Variants in ARHGEF19 observed in about 807,000 individuals in gnomAD.
ARHGEF19 encodes the protein Rho guanine nucleotide exchange factor 19, also known as Rho guanine nucleotide exchange factor (GEF) 19.
ARHGEF19 carries 92 observed loss-of-function variants against 87.6 expected under a neutral mutation model. The ratio of observed to expected loss-of-function variants is 1.05; its 90% CI spans 0.89 to 1.25. The LOEUF is 1.25. ARHGEF19 is among the 50% of genes most tolerant of loss of function. The pLI is 0.00. For synonymous variants in ARHGEF19, 438 were observed against 446.2 expected (o/e 0.98, Z 0.23); for missense variants, 1,054 against 1,051.8 (o/e 1.00, Z -0.03).
chr1:16,205,995 G>A lies in ARHGEF19; in HGVS notation c.1387C>T (p.Arg463Cys), dbSNP rs1358935854. ...DVVLDHCPAF[R>C]RVYLPYVTNQ... is the part of the protein sequence containing the mutation. ...GTGACATAGGGCAGGTAGACTCTGCGGAAGGCCGGGCAGTGGTCCAGCACC... is the reference window on the plus strand; with the variant it reads ...GTGACATAGGGCAGGTAGACTCTGCAGAAGGCCGGGCAGTGGTCCAGCACC... Residue 463 changes from arginine (R) to cysteine (C), a missense_variant, in exon 8 of 16, where the codon CGC (arginine) becomes TGC (cysteine). Transcript: ENST00000270747. This position sits in a 1 kb window ranked among gnomAD's most constrained non-coding sequence, Gnocchi z 5.8. 1.6e-5 allele frequency: 26 copies of A among 1,609,682 alleles called. No homozygotes were observed. Among genetic ancestry groups the A allele is most frequent in the Admixed American group, 5.1e-5 (3 of 59,226 alleles).
Position 16,205,491 on chromosome 1 carries a change from G to C in ARHGEF19, c.1581+47C>G. 1 of 1,613,328 alleles carries C rather than the reference G, an allele frequency of 6.2e-7. No homozygotes were observed. Among genetic ancestry groups the C allele is most frequent in the East Asian group, 2.2e-5 (1 of 44,876 alleles). On this transcript the variant is annotated intron_variant, in intron 9 of 15. Coordinates refer to ENST00000270747, the MANE Select transcript of ARHGEF19 (RefSeq NM_153213.5). The surrounding 1 kb of genome is among the most constrained non-coding windows in gnomAD (Gnocchi z 5.8). ...CCCGAGACCCGGCCCGCCCACAGGTGTATCTCCCTCGCCCAGCCCTCACTG... is the reference window on the plus strand; with the variant it reads ...CCCGAGACCCGGCCCGCCCACAGGTCTATCTCCCTCGCCCAGCCCTCACTG...
chr1:16,201,693 C>T (rs1044655479), intron 14 of ARHGEF19, 89 bp downstream of exon 14: 11 of 1,434,206 alleles, frequency 7.7e-6, no homozygotes, highest in Non-Finnish European at 8.5e-6. Flanking sequence ...CCCCATAGCC[C>T]TGCCAGCAAC....
chr1:16,202,945 C>T (rs765394922), intron 12 of ARHGEF19, among the ~76,000 whole-genome samples: 3 of 152,056 alleles, frequency 2.0e-5, no homozygotes, highest in South Asian at 4.1e-4. Flanking sequence ...GGCATGATCT[C>T]GGCTCACCAC....
rs1188872833 is a variant in ARHGEF19 at position 16,198,983 on chromosome 1, A to ATCCTATATC, written c.2251+158_2251+166dup. ...TTCCCACTCTCCCCCATCACTCTCC[A>ATCCTATATC]TCCTATATCTTTACAAGCAGGAAGT... On this transcript the variant is annotated intron_variant, in intron 15 of 15. Coordinates refer to ENST00000270747, the MANE Select transcript of ARHGEF19 (RefSeq NM_153213.5). This position sits in a 1 kb window ranked among gnomAD's most constrained non-coding sequence, Gnocchi z 4.1. 1.3e-5 allele frequency among the ~76,000 whole-genome samples: 2 copies of ATCCTATATC among 151,942 alleles called. No individual in the cohort carries two copies. The highest frequency in any genetic ancestry group is 2.9e-5 in the Non-Finnish European group (2 of 67,984).
Position 16,206,794 on chromosome 1 carries a change from T to C in ARHGEF19, c.1137+154A>G, listed in dbSNP as rs1445516600. Among the ~76,000 whole-genome samples, 1 of 151,904 alleles carries C rather than the reference T, an allele frequency of 6.6e-6. No homozygotes were observed. Among genetic ancestry groups the C allele is most frequent in the Non-Finnish European group, 1.5e-5 (1 of 67,962 alleles). The stretch of plus-strand genomic sequence containing the variant: ...GTCCTCGCTTCCAGACGGCCTCGTG[T>C]AGTCAGGTCCTAGAGCCAACCTTCC... On this transcript the variant is annotated intron_variant, in intron 6 of 15. Transcript: ENST00000270747. This position sits in a 1 kb window ranked among gnomAD's most constrained non-coding sequence, Gnocchi z 4.6.
chr1:16,204,636 C>T, intron 12 of ARHGEF19, 123 bp downstream of exon 12: 1 of 1,209,232 alleles, frequency 8.3e-7, no homozygotes, highest in Non-Finnish European at 1.1e-6. Flanking sequence ...GGTGCCCTGG[C>T]AGCATACCCT....
In ARHGEF19 at chr1:16,207,287, G is replaced by T; in HGVS notation, c.875-77C>A. On this transcript the variant is annotated intron_variant, in intron 5 of 15. Coordinates refer to ENST00000270747, the MANE Select transcript of ARHGEF19 (RefSeq NM_153213.5). This position sits in a 1 kb window ranked among gnomAD's most constrained non-coding sequence, Gnocchi z 4.0. The stretch of plus-strand genomic sequence containing the variant: ...CGGCTTTTCCTCGGTTCCCTCAAGA[G>T]CCCGCGTCACTTAACCTTTGCCGCG... 2.1e-6 allele frequency: 3 copies of T among 1,447,990 alleles called. No individual in the cohort carries two copies. Among genetic ancestry groups the T allele is most frequent in the Non-Finnish European group, 2.7e-6 (3 of 1,104,556 alleles). 89.7% of individuals were successfully genotyped at this position (1,447,990 alleles called of 1,614,324 possible).
In ARHGEF19 at chr1:16,206,161, G is replaced by A. The variant is rs991124296; in HGVS notation, c.1298+19C>T. The A allele has an allele frequency of 3.1e-6, 5 of 1,590,160 alleles. No homozygotes were observed. The highest frequency in any genetic ancestry group is 2.7e-5 in the African/African-American group (2 of 74,576). On this transcript the variant is annotated intron_variant, in intron 7 of 15. Coordinates refer to ENST00000270747, the MANE Select transcript of ARHGEF19 (RefSeq NM_153213.5). This position sits in a 1 kb window ranked among gnomAD's most constrained non-coding sequence, Gnocchi z 4.6. Reference sequence around the variant, plus strand: ...CTGGCTCCGTCCCCACCCCGGGCCAGGCCAGACCACTTCTTCACCTCTCGC... The same window carrying A: ...CTGGCTCCGTCCCCACCCCGGGCCAAGCCAGACCACTTCTTCACCTCTCGC...
At position 16,206,468 on chromosome 1, in the gene ARHGEF19, C is replaced by G; in HGVS notation, c.1138-128G>C. The G allele has an allele frequency of 1.8e-6, 2 of 1,093,972 alleles. No individual in the cohort carries two copies. Among genetic ancestry groups the G allele is most frequent in the Non-Finnish European group, 2.6e-6 (2 of 756,524 alleles). 67.8% of individuals were successfully genotyped at this position (1,093,972 alleles called of 1,614,324 possible). A position where few individuals can be genotyped will look rare whatever the true frequency, so the allele number is the denominator to read the frequency against. On this transcript the variant is annotated intron_variant, in intron 6 of 15. Coordinates refer to ENST00000270747, the MANE Select transcript of ARHGEF19 (RefSeq NM_153213.5). This position sits in a 1 kb window ranked among gnomAD's most constrained non-coding sequence, Gnocchi z 4.6. Reference sequence around the variant, plus strand: ...CCCCTTCTCTAGCCCCACTCCTAATCTGGCGCCGGGCGGGCCCGGCGACCC... The same window carrying G: ...CCCCTTCTCTAGCCCCACTCCTAATGTGGCGCCGGGCGGGCCCGGCGACCC...
chr1:16,199,389 A>C, intron 14 of ARHGEF19, 135 bp from the exon 15 acceptor site: 1 of 710,262 alleles, frequency 1.4e-6, no homozygotes. Context: ...TTCCTCTGCC[A>C]CTGCCATGCC....
Position 16,206,866 on chromosome 1 carries a change from C to T in ARHGEF19, c.1137+82G>A. 1 of 1,374,628 alleles carries T rather than the reference C, an allele frequency of 7.3e-7. No homozygotes were observed. The highest frequency in any genetic ancestry group is 1.5e-5 in the African/African-American group (1 of 65,266). The allele number at this position is 1,374,628 out of a possible 1,614,324, so 85.2% of individuals were successfully genotyped here. The stretch of plus-strand genomic sequence containing the variant: ...ACCCCCTTTGTGTGTCCCCCTCCCT[C>T]TATGGCCCGGTTCCCGCTAAGTCCC... On this transcript the variant is annotated intron_variant, in intron 6 of 15. Transcript: ENST00000270747. This position sits in a 1 kb window ranked among gnomAD's most constrained non-coding sequence, Gnocchi z 4.6.
At position 16,206,463 on chromosome 1, in the gene ARHGEF19, C is replaced by T. The variant is rs541250694; in HGVS notation, c.1138-123G>A. The T allele has an allele frequency of 1.8e-5, 20 of 1,133,824 alleles. 1 individual carries two copies. In the African/African-American group the frequency reaches 2.8e-4, roughly 16 times the overall value. 70.2% of individuals were successfully genotyped at this position (1,133,824 alleles called of 1,614,324 possible). A position where few individuals can be genotyped will look rare whatever the true frequency, so the allele number is the denominator to read the frequency against. ...CCTCGCCCCTTCTCTAGCCCCACTC[C>T]TAATCTGGCGCCGGGCGGGCCCGGC... On this transcript the variant is annotated intron_variant, in intron 6 of 15. Coordinates refer to ENST00000270747, the MANE Select transcript of ARHGEF19 (RefSeq NM_153213.5). This position sits in a 1 kb window ranked among gnomAD's most constrained non-coding sequence, Gnocchi z 4.6.
In ARHGEF19 at chr1:16,207,139, C is replaced by A; in HGVS notation, c.946G>T (p.Gly316Cys). 2 of 1,527,900 alleles carry A rather than the reference C, an allele frequency of 1.3e-6. No individual in the cohort carries two copies. Among genetic ancestry groups the A allele is most frequent in the South Asian group, 2.4e-5 (2 of 82,850 alleles). 94.6% of individuals were successfully genotyped at this position (1,527,900 alleles called of 1,614,324 possible). A position where few individuals can be genotyped will look rare whatever the true frequency, so the allele number is the denominator to read the frequency against. Residue 316 changes from glycine (G) to cysteine (C), a missense_variant, in exon 6 of 16, where the codon GGC (glycine) becomes TGC (cysteine). Coordinates refer to ENST00000270747, the MANE Select transcript of ARHGEF19 (RefSeq NM_153213.5). This position sits in a 1 kb window ranked among gnomAD's most constrained non-coding sequence, Gnocchi z 4.0. Reference protein sequence around the residue: ...ELRRQQREEEGPGDEAEGAEE... With the variant: ...ELRRQQREEECPGDEAEGAEE... ...GCGCCCTCGGCCTCGTCCCCCGGGCCCTCCTCCTCGCGCTGCTGCCGCCGC... is the reference window on the plus strand; with the variant it reads ...GCGCCCTCGGCCTCGTCCCCCGGGCACTCCTCCTCGCGCTGCTGCCGCCGC...
Position 16,198,393 on chromosome 1 carries a change from G to T in ARHGEF19, c.*194C>A. 1.9e-6 allele frequency: 1 copy of T among 522,668 alleles called. No homozygotes were observed. The highest frequency in any genetic ancestry group is 3.2e-6 in the Non-Finnish European group (1 of 314,492). The allele number at this position is 522,668 out of a possible 1,614,324, so 32.4% of individuals were successfully genotyped here. A position where few individuals can be genotyped will look rare whatever the true frequency, so the allele number is the denominator to read the frequency against. The stretch of plus-strand genomic sequence containing the variant: ...AAACTATCCTTGGCCTTGAAGTGTG[G>T]ACACTGAGGAGCATGAGGACGGAGA... On this transcript the variant is annotated 3_prime_UTR_variant, in exon 16 of 16. Transcript: ENST00000270747. This position sits in a 1 kb window ranked among gnomAD's most constrained non-coding sequence, Gnocchi z 4.1.
At position 16,208,093 on chromosome 1, in the gene ARHGEF19, C is replaced by G; in HGVS notation, c.545G>C (p.Gly182Ala). ...STEEPRVELSGSTRVSLEGPE... is the reference protein window; with the variant it reads ...STEEPRVELSASTRVSLEGPE... ...ACCTTCGAGGCTCACTCGGGTGGACCCAGACAACTCCACCCTGGGCTCCTC... is the reference window on the plus strand; with the variant it reads ...ACCTTCGAGGCTCACTCGGGTGGACGCAGACAACTCCACCCTGGGCTCCTC... Residue 182 changes from glycine to alanine, a missense_variant, in exon 3 of 16, where the codon GGG (glycine) becomes GCG (alanine). Gly to Ala is a moderately conservative substitution (Grantham distance 60). Coordinates refer to ENST00000270747, the MANE Select transcript of ARHGEF19 (RefSeq NM_153213.5). The G allele has an allele frequency of 1.9e-6, 3 of 1,614,042 alleles. No homozygotes were observed. Among genetic ancestry groups the G allele is most frequent in the Non-Finnish European group, 1.7e-6 (2 of 1,180,030 alleles).
rs373761704 is a variant in ARHGEF19 at position 16,207,638 on chromosome 1, C to T, written c.797+37G>A. 4 of 1,613,930 alleles carry T rather than the reference C, an allele frequency of 2.5e-6. No homozygotes were observed. The highest frequency in any genetic ancestry group is 3.4e-6 in the Non-Finnish European group (4 of 1,180,000). ...GCGTCACGGCCCTAGTTCGCCTGCA[C>T]CCTGTCTCGGACCCAAGCCCAAACG... On this transcript the variant is annotated intron_variant, in intron 4 of 15. Transcript: ENST00000270747. This position sits in a 1 kb window ranked among gnomAD's most constrained non-coding sequence, Gnocchi z 4.0.
intron 12 of ARHGEF19, among the ~76,000 whole-genome samples, chr1:16,203,087 G>T (rs559479889): frequency 1.6e-4 from 25 of 152,158 alleles, no homozygotes; most frequent in Non-Finnish European, 2.8e-4. Flanking sequence ...TAAGCCCCAC[G>T]AAGGCTGAGC....
chr1:16,205,538 C>T lies in ARHGEF19; in HGVS notation c.1581G>A (p.Glu527=). Residue 527 remains glutamate (E), a splice_region_variant and synonymous_variant, in exon 9 of 16, where the codon GAG becomes GAA. Coordinates refer to ENST00000270747, the MANE Select transcript of ARHGEF19 (RefSeq NM_153213.5). The surrounding 1 kb of genome is among the most constrained non-coding windows in gnomAD (Gnocchi z 5.8). ...QRITRLKMLV[E]NILKRTAQGS... The stretch of plus-strand genomic sequence containing the variant: ...ACTGTGGCCTGTCCCCTCGAGGTAC[C>T]TCCACCAACATCTTGAGGCGGGTGA... 2 of 1,614,080 alleles carry T rather than the reference C, an allele frequency of 1.2e-6. No individual in the cohort carries two copies. Among genetic ancestry groups the T allele is most frequent in the Non-Finnish European group, 1.7e-6 (2 of 1,179,980 alleles).
intron 14 of ARHGEF19, among the ~76,000 whole-genome samples, chr1:16,199,645 T>C (rs1226539738): frequency 6.6e-6 from 1 of 152,110 alleles, no homozygotes; most frequent in Non-Finnish European, 1.5e-5. Context: ...AACATCACTC[T>C]GGTGCTCCCT....
Sources: allele counts gnomAD v4.1 joint callset (sites outside exome capture counted in the v4.1 genomes callset), GRCh38; gene constraint gnomAD v4.1.1; non-coding constraint Gnocchi (gnomAD v3.1); transcripts MANE v1.5; gene names NCBI Gene and HGNC (gene_info 2026-07-23, HGNC 2026-07-21).